Variants in MIS18BP1 observed in about 807,000 individuals in gnomAD.
MIS18BP1 encodes MIS18 binding protein 1, also known as mis18-binding protein 1.
Under a neutral mutation model 116.1 loss-of-function variants are expected in MIS18BP1, and 72 were observed. The ratio of observed to expected loss-of-function variants is 0.62; its 90% CI spans 0.51 to 0.75. The LOEUF (loss-of-function observed/expected upper bound fraction) is 0.75. MIS18BP1 is among the 30% of genes least tolerant of loss of function. The pLI is 0.00. For missense variants in MIS18BP1, 1,363 were observed against 1,303.2 expected (o/e 1.05, Z -0.71); for synonymous variants, 386 against 427.0 (o/e 0.90, Z 1.18).
In MIS18BP1 at chr14:45,237,852, T is replaced by G; in HGVS notation, c.1144-131A>C. On this transcript the variant is annotated intron_variant, in intron 4 of 16. Coordinates refer to ENST00000310806, the MANE Select transcript of MIS18BP1 (RefSeq NM_018353.5). ...ATTCCTTAGTGTCATCGATGTAAGA[T>G]TCACATTCTATTCTAAATAGCAATA... 3 of 1,270,690 alleles carry G rather than the reference T, an allele frequency of 2.4e-6. No individual in the cohort carries two copies. The South Asian group carries it at 5.5e-5, about 23-fold the overall frequency. 78.7% of individuals were successfully genotyped at this position (1,270,690 alleles called of 1,614,324 possible).
At chr14:45,223,171 C>T (rs575666445) in intron 11 of MIS18BP1, among the ~76,000 whole-genome samples, 27 of 152,224 alleles carry the variant, frequency 1.8e-4, no homozygotes, top group South Asian at 8.3e-4. Flanking sequence ...TTCTGCTCCT[C>T]AACCCAGAAC....
chr14:45,203,928 A>G lies in MIS18BP1; in HGVS notation c.*181T>C, dbSNP rs528797452. 3.8e-6 allele frequency: 3 copies of G among 793,498 alleles called. No individual in the cohort carries two copies. In the East Asian group the frequency reaches 1.1e-4, roughly 30 times the overall value. 49.2% of individuals were successfully genotyped at this position (793,498 alleles called of 1,614,324 possible). On this transcript the variant is annotated 3_prime_UTR_variant, in exon 17 of 17. Transcript: ENST00000310806. ...CACGAGCAAAAACAATTTTCTTTAC[A>G]TTTTTAGTAAGCTGCAGCAATGAGG...
chr14:45,237,537 A>G (rs947040226), intron 5 of MIS18BP1, 111 bp downstream of exon 5: 22 of 1,328,096 alleles, frequency 1.7e-5, no homozygotes, highest in African/African-American at 6.3e-5. Flanking sequence ...TTCAGTTCAT[A>G]ACCTTGTTAG....
intron 5 of MIS18BP1, 122 bp from the exon 6 acceptor site, chr14:45,236,066 T>A (rs899588183): frequency 2.2e-6 from 2 of 906,332 alleles, no homozygotes; most frequent in Admixed American, 3.0e-5. Flanking sequence ...TACAAAATAT[T>A]TGAAGGCCAA....
chr14:45,244,952 T>C (rs940318514), intron 2 of MIS18BP1, among the ~76,000 whole-genome samples: 2 of 152,234 alleles, frequency 1.3e-5, no homozygotes, highest in African/African-American at 4.8e-5. Context: ...AACTTCAATT[T>C]TTTTTCTTCC....
rs1231889226 is a variant in MIS18BP1, at chr14:45,235,844, T to C, written c.1318A>G (p.Met440Val). Reference protein sequence around the residue: ...ISGNVYILKGMIDQISMKEAG... With the variant: ...ISGNVYILKGVIDQISMKEAG... ...TCTTTCATGGAAATTTGGTCTATCA[T>C]GCCTTTTAATATATAAACGTTGCCT... Residue 440 changes from methionine to valine, a missense_variant, in exon 6 of 17, where the codon ATG (methionine) becomes GTG (valine). Physicochemically the swap from Met to Val is conservative, Grantham distance 21. Coordinates refer to ENST00000310806, the MANE Select transcript of MIS18BP1 (RefSeq NM_018353.5). 2.5e-6 allele frequency: 4 copies of C among 1,608,168 alleles called. No individual in the cohort carries two copies. The highest frequency in any genetic ancestry group is 3.4e-6 in the Non-Finnish European group (4 of 1,177,864).
intron 4 of MIS18BP1, among the ~76,000 whole-genome samples, chr14:45,238,115 G>GTT (rs35409821): frequency 4.3e-5 from 6 of 138,320 alleles, no homozygotes; most frequent in Admixed American, 1.4e-4. Flanking sequence ...AAAATTAAGA[G>GTT]TTTTTTTTTT....
chr14:45,218,314 T>C lies in MIS18BP1; in HGVS notation c.2810A>G (p.Lys937Arg), dbSNP rs1304423569. The change falls in exon 12 of 17, where the codon AAG becomes AGG. Residue 937 changes from lysine (K) to arginine (R), a missense_variant. Transcript: ENST00000310806. ...RGKGSQKHVT[K>R]KKPANSKGQN... The stretch of plus-strand genomic sequence containing the variant: ...GCCTTTGGAATTGGCTGGCTTCTTC[T>C]TAGTGACATGTTTCTGGGATCCTTT... 1 of 1,614,096 alleles carries C rather than the reference T, an allele frequency of 6.2e-7. No homozygotes were observed. The highest frequency in any genetic ancestry group is 1.3e-5 in the African/African-American group (1 of 75,046).
intron 13 of MIS18BP1, among the ~76,000 whole-genome samples, chr14:45,212,252 TC>T (rs1566803167): frequency 2.0e-5 from 3 of 152,046 alleles, no homozygotes; most frequent in African/African-American, 7.2e-5. Context: ...CTCTCTCTCT[TC>T]CTCCATCTTT....
At position 45,247,373 on chromosome 14, in the gene MIS18BP1, G is replaced by T; in HGVS notation, c.-87C>A. The T allele has an allele frequency of 2.7e-6, 3 of 1,118,490 alleles. No individual in the cohort carries two copies. In the South Asian group the frequency reaches 5.1e-5, roughly 19 times the overall value. 69.3% of individuals were successfully genotyped at this position (1,118,490 alleles called of 1,614,324 possible). A position where few individuals can be genotyped will look rare whatever the true frequency, so the allele number is the denominator to read the frequency against. The stretch of plus-strand genomic sequence containing the variant: ...GATAGAACTTCAGAAGGGATCCACA[G>T]AAACCTGTAGTTCAACGTAAAATCA... On this transcript the variant is annotated 5_prime_UTR_variant, in exon 2 of 17. It adds an upstream start codon to the 5' untranslated region. Coordinates refer to ENST00000310806, the MANE Select transcript of MIS18BP1 (RefSeq NM_018353.5).
chr14:45,236,058 C>T, intron 5 of MIS18BP1, 114 bp from the exon 6 acceptor site: 2 of 986,766 alleles, frequency 2.0e-6, no homozygotes. Flanking sequence ...AGTCTAATTA[C>T]AAAATATTTG....
In MIS18BP1 at chr14:45,224,100, A is replaced by G; in HGVS notation, c.2487T>C (p.Tyr829=). 11 of 1,612,438 alleles carry G rather than the reference A, an allele frequency of 6.8e-6. No individual in the cohort carries two copies. The highest frequency in any genetic ancestry group is 8.5e-6 in the Non-Finnish European group (10 of 1,179,696). ...AAGGTCTAGCTTTCTTTTGTTTGAT[A>G]TAAAATTCATTTTCACTTTCTTCAG... ...PETEESENEF[Y]IKQKKARPSV... is the part of the protein sequence containing the mutation. Residue 829 remains tyrosine, a synonymous_variant, in exon 11 of 17, where the codon TAT becomes TAC. Transcript: ENST00000310806.
chr14:45,209,816 G>A (rs1002155287), intron 14 of MIS18BP1, among the ~76,000 whole-genome samples: 4 of 152,136 alleles, frequency 2.6e-5, no homozygotes, highest in African/African-American at 4.8e-5. Flanking sequence ...TGCAAAGATC[G>A]CACTACTTTA....
chr14:45,231,523 T>C (rs1891278438), intron 7 of MIS18BP1: 5 of 399,536 alleles, frequency 1.3e-5, no homozygotes. Context: ...ATCTCCAAAC[T>C]GCTTCCTACT....
At chr14:45,251,541 G>T (rs1594533206) in intron 1 of MIS18BP1, among the ~76,000 whole-genome samples, 5 of 151,972 alleles carry the variant, frequency 3.3e-5, no homozygotes, top group Admixed American at 2.0e-4. Context: ...CTATGGAATG[G>T]GTCAAAAATC....
chr14:45,218,225 A>T, intron 12 of MIS18BP1, 57 bp downstream of exon 12: 1 of 1,456,814 alleles, frequency 6.9e-7, no homozygotes, highest in Non-Finnish European at 9.4e-7. Context: ...ATCTGATTTC[A>T]GTGATCAGAA....
intron 15 of MIS18BP1, among the ~76,000 whole-genome samples, chr14:45,204,816 C>T (rs1199695303): frequency 6.6e-6 from 1 of 151,934 alleles, no homozygotes; most frequent in East Asian, 1.9e-4. Context: ...CACAATTTAT[C>T]ATGATTATAT....
At chr14:45,207,110 C>G (rs1890539402) in intron 14 of MIS18BP1, among the ~76,000 whole-genome samples, 1 of 152,146 alleles carries the variant, frequency 6.6e-6, no homozygotes, top group South Asian at 2.1e-4. Flanking sequence ...AGATTAAAAG[C>G]CAAGTAGAAT....
intron 2 of MIS18BP1, among the ~76,000 whole-genome samples, chr14:45,244,350 T>C (rs1891670996): frequency 6.6e-6 from 1 of 152,224 alleles, no homozygotes; most frequent in Non-Finnish European, 1.5e-5. Context: ...AAAATCTCAA[T>C]TTTAATTGTT....
Sources: gnomAD v4.1 joint callset for allele counts (sites outside exome capture counted in the v4.1 genomes callset) on GRCh38, gnomAD v4.1.1 for gene constraint, MANE v1.5 for transcripts, NCBI Gene and HGNC (gene_info 2026-07-23, HGNC 2026-07-21) for gene names.